Variants in TEX101 observed in about 807,000 individuals in gnomAD.
TEX101 encodes testis expressed 101.
In TEX101, 10 loss-of-function variants were observed where a neutral mutation model predicts 18.1. The observed-to-expected ratio is 0.55, with a 90% confidence interval of 0.34 to 0.94. TEX101 has a LOEUF of 0.94. Ranked by LOEUF, TEX101 falls within the 40% of genes least tolerant of loss-of-function variation. The pLI is 0.02. For missense variants in TEX101, 259 were observed against 298.9 expected, an observed-to-expected ratio of 0.87 and a Z score of 0.98; for synonymous variants, 94 against 114.8, an observed-to-expected ratio of 0.82 and a Z score of 1.16.
intron 3 of TEX101, among the ~76,000 whole-genome samples, chr19:43,407,995 C>G (rs1273153355): frequency 6.8e-6 from 1 of 147,364 alleles, no homozygotes; most frequent in Non-Finnish European, 1.5e-5. Flanking sequence ...TGAAAGTTAG[C>G]CCTCCACACA....
upstream of TEX101, among the ~76,000 whole-genome samples, chr19:43,401,338 C>CA (rs1418749460): frequency 2.0e-5 from 3 of 152,178 alleles, no homozygotes; most frequent in African/African-American, 4.8e-5. Context: ...AGGTATAGGT[C>CA]AATTAACAAA....
At chr19:43,409,272 AC>A (rs1174198391) in intron 3 of TEX101, among the ~76,000 whole-genome samples, 1 of 152,158 alleles carries the variant, frequency 6.6e-6, no homozygotes, top group Admixed American at 6.5e-5. Context: ...CCAGGTTTGA[AC>A]AGTTAGTTGG....
upstream of TEX101, among the ~76,000 whole-genome samples, chr19:43,397,006 G>T (rs8112473): frequency 0.33 from 49,337 of 151,090 alleles, 8,591 homozygotes; most frequent in East Asian, 0.72. Context: ...CCGGCTAATT[G>T]TTTGTATTTT....
upstream of TEX101, among the ~76,000 whole-genome samples, chr19:43,398,503 C>T (rs865782598): frequency 3.3e-5 from 5 of 151,750 alleles, no homozygotes; most frequent in South Asian, 2.1e-4. Flanking sequence ...CTCGATCTCT[C>T]GACCTCATGA....
rs1970469516 is a variant in TEX101, at chr19:43,415,907, T to G, written c.-13T>G. 1.9e-6 allele frequency: 3 copies of G among 1,614,086 alleles called. No homozygotes were observed. The South Asian group carries it at 3.3e-5, about 18-fold the overall frequency. ...TCCAGACCAGCTCCTCCCAGACCTC[T>G]CCAGAAGAAGCCATGGGAACCCCTC... On this transcript the variant is annotated 5_prime_UTR_variant, in exon 2 of 6. Transcript: ENST00000598265.
chr19:43,390,854 CT>C, the TEX101 span, among the ~76,000 whole-genome samples: 4 of 151,438 alleles, frequency 2.6e-5, no homozygotes, highest in Non-Finnish European at 4.4e-5. Flanking sequence ...CCACCCAGAA[CT>C]TTTTCATATT....
the TEX101 span, among the ~76,000 whole-genome samples, chr19:43,388,765 G>A: frequency 3.9e-5 from 6 of 152,218 alleles, no homozygotes; most frequent in African/African-American, 1.4e-4. Flanking sequence ...TCTCTTAGCA[G>A]ATTGTATCAC....
At chr19:43,395,179 A>G in the TEX101 span, among the ~76,000 whole-genome samples, 1 of 152,182 alleles carries the variant, frequency 6.6e-6, no homozygotes, top group African/African-American at 2.4e-5. Context: ...AGGTCTGTCT[A>G]TGCACACTCA....
intron 2 of TEX101, among the ~76,000 whole-genome samples, chr19:43,404,623 AT>A (rs926642638): frequency 6.6e-6 from 1 of 151,934 alleles, no homozygotes; most frequent in South Asian, 2.1e-4. Flanking sequence ...TGCTTGATTG[AT>A]TTTTTAATTT....
At chr19:43,407,411 G>A (rs1310847727) in intron 3 of TEX101, among the ~76,000 whole-genome samples, 1 of 152,040 alleles carries the variant, frequency 6.6e-6, no homozygotes, top group Non-Finnish European at 1.5e-5. Flanking sequence ...CTTGAACCAG[G>A]GAGGCAGAGG....
intron 4 of TEX101, among the ~76,000 whole-genome samples, chr19:43,417,030 C>CAAA (rs746528568): frequency 7.1e-5 from 5 of 70,490 alleles, no homozygotes; most frequent in African/African-American, 9.7e-5. Context: ...AAGACTCCAT[C>CAAA]AAAAAAAAAA....
chr19:43,412,128 G>T (rs1218622258), upstream of TEX101, among the ~76,000 whole-genome samples: 2 of 152,174 alleles, frequency 1.3e-5, no homozygotes, highest in East Asian at 3.9e-4. Flanking sequence ...CCTGAGACTA[G>T]AAGTAATTTA....
At chr19:43,401,189 AT>A (rs1221103828), upstream of TEX101, among the ~76,000 whole-genome samples, 1 of 152,260 alleles carries the variant, frequency 6.6e-6, no homozygotes, top group East Asian at 1.9e-4. Context: ...AAATAAAAAA[AT>A]TCACATATTT....
At chr19:43,396,085 C>G in the TEX101 span, among the ~76,000 whole-genome samples, 156 of 152,336 alleles carry the variant, frequency 1.0e-3, no homozygotes, top group African/African-American at 3.6e-3. Context: ...CCATCCATCT[C>G]CCCTTCCCCA....
At chr19:43,400,324 C>A (rs1970308305), upstream of TEX101, among the ~76,000 whole-genome samples, 1 of 152,142 alleles carries the variant, frequency 6.6e-6, no homozygotes, top group South Asian at 2.1e-4. Flanking sequence ...CTACTGTTAG[C>A]AGATACAGCT....
intron 1 of TEX101, chr19:43,402,679 C>G (rs1164707801): frequency 6.6e-6 from 1 of 151,842 alleles, no homozygotes; most frequent in Non-Finnish European, 1.5e-5. Context: ...CTCCTGGGTT[C>G]ACGCCATTCT....
At chr19:43,414,422 A>G (rs1001127116), upstream of TEX101, among the ~76,000 whole-genome samples, 2 of 152,148 alleles carry the variant, frequency 1.3e-5, no homozygotes, top group African/African-American at 4.8e-5. Flanking sequence ...TGGGCTGCAC[A>G]GGGGCCACTG....
chr19:43,397,074 GATCCACCCATCTCA>G (rs1970273895), upstream of TEX101, among the ~76,000 whole-genome samples: 1 of 152,040 alleles, frequency 6.6e-6, no homozygotes. Context: ...CTGACCTCGT[GATCCACCCATCTCA>G]GCCTCCCAAA....
chr19:43,407,939 G>A (rs1018647300), intron 3 of TEX101, among the ~76,000 whole-genome samples: 2 of 152,232 alleles, frequency 1.3e-5, no homozygotes, highest in African/African-American at 2.4e-5. Context: ...CTGCTTCTGG[G>A]TCCGAGTTTT....
Sources: allele counts gnomAD v4.1 joint callset (sites outside exome capture counted in the v4.1 genomes callset), GRCh38; gene constraint gnomAD v4.1.1; transcripts MANE v1.5; gene names NCBI Gene and HGNC (gene_info 2026-07-23, HGNC 2026-07-21).